Variants in GARNL3 observed in about 807,000 individuals in gnomAD.
The protein encoded by GARNL3 is GTPase-activating Rap/Ran-GAP domain-like protein 3.
Under a neutral mutation model 125.0 loss-of-function variants are expected in GARNL3, and 63 were observed. The ratio of observed to expected loss-of-function variants is 0.50; its 90% CI spans 0.41 to 0.62. GARNL3 has a LOEUF of 0.62. Ranked by LOEUF, GARNL3 falls within the 20% of genes least tolerant of loss-of-function variation. The pLI, the probability that GARNL3 is intolerant of heterozygous loss-of-function variation, is 0.00. For synonymous variants in GARNL3, 439 were observed against 457.5 expected, an observed-to-expected ratio of 0.96 and a Z score of 0.52; for missense variants, 994 against 1,244.0, an observed-to-expected ratio of 0.80 and a Z score of 3.02.
chr9:127,299,329 AG>A (rs878928156), intron 2 of GARNL3, among the ~76,000 whole-genome samples: 1 of 7,824 alleles, frequency 1.3e-4, no homozygotes. Context: ...AAAAAAAAAA[AG>A]AAAGAGAAAA....
At position 127,291,256 on chromosome 9, in the gene GARNL3, C is replaced by G. The variant is rs771333433; in HGVS notation, c.219+14C>G. ...TCTTCAGATGAGGTAAGGAAGCCTC[C>G]CCACTTCCTGTAATGCCACCAAGCA... On this transcript the variant is annotated intron_variant, in intron 2 of 27. Transcript: ENST00000373387. The G allele has an allele frequency of 3.1e-6, 5 of 1,609,420 alleles. 1 individual carries two copies. In the South Asian group the frequency reaches 5.5e-5, roughly 18 times the overall value.
At chr9:127,241,139 C>T (rs1466005775) in intron 1 of GARNL3, among the ~76,000 whole-genome samples, 3 of 151,946 alleles carry the variant, frequency 2.0e-5, no homozygotes, top group Non-Finnish European at 4.4e-5. Context: ...GAAGCTGTTC[C>T]TCCGCAGGGC....
At chr9:127,379,528 G>T (rs1028072624) in intron 22 of GARNL3, among the ~76,000 whole-genome samples, 2 of 152,184 alleles carry the variant, frequency 1.3e-5, no homozygotes, top group African/African-American at 4.8e-5. Flanking sequence ...GAAGAAGTTG[G>T]CAGGATGTGA....
chr9:127,233,814 T>C (rs1014704679), intron 1 of GARNL3, among the ~76,000 whole-genome samples: 5 of 152,212 alleles, frequency 3.3e-5, no homozygotes, highest in Non-Finnish European at 7.4e-5. Context: ...CCAAGATAAG[T>C]TCAGAAAAGA....
At chr9:127,314,146 C>G (rs534453851) in intron 4 of GARNL3, among the ~76,000 whole-genome samples, 3 of 152,336 alleles carry the variant, frequency 2.0e-5, no homozygotes, top group South Asian at 4.1e-4. Flanking sequence ...TTGTCCTGAT[C>G]CCAGGTCTCC....
At chr9:127,293,914 A>G (rs868356471) in intron 2 of GARNL3, among the ~76,000 whole-genome samples, 25 of 152,276 alleles carry the variant, frequency 1.6e-4, no homozygotes, top group African/African-American at 6.0e-4. Context: ...GATTACAACT[A>G]CAGATTTATG....
At chr9:127,263,831 C>A, upstream of GARNL3, 1 of 1,290,276 alleles carries the variant, frequency 7.8e-7, no homozygotes, top group South Asian at 2.7e-5. Flanking sequence ...TGCCATTAGA[C>A]TCTCTAATCT....
intron 22 of GARNL3, among the ~76,000 whole-genome samples, chr9:127,379,775 A>G (rs1333195891): frequency 1.3e-5 from 2 of 152,248 alleles, no homozygotes; most frequent in Non-Finnish European, 2.9e-5. Context: ...AAAATATACA[A>G]TATAGTGAAG....
intron 1 of GARNL3, among the ~76,000 whole-genome samples, chr9:127,273,837 G>A (rs2063884670): frequency 6.6e-6 from 1 of 152,204 alleles, no homozygotes; most frequent in Admixed American, 6.5e-5. Context: ...TGGGAATCCT[G>A]TAAATGAAAG....
intron 2 of GARNL3, among the ~76,000 whole-genome samples, chr9:127,307,606 T>A (rs1291147433): frequency 6.6e-6 from 1 of 152,220 alleles, no homozygotes; most frequent in Non-Finnish European, 1.5e-5. Context: ...AAATACATAT[T>A]TATTAATAGT....
intron 9 of GARNL3, among the ~76,000 whole-genome samples, chr9:127,334,501 A>C (rs1438618658): frequency 6.6e-6 from 1 of 152,118 alleles, no homozygotes; most frequent in Admixed American, 6.5e-5. Context: ...ATTGGGCCCC[A>C]GTTGTCAGGT....
At chr9:127,333,826 G>A (rs748051966) in intron 9 of GARNL3, among the ~76,000 whole-genome samples, 3 of 152,178 alleles carry the variant, frequency 2.0e-5, no homozygotes, top group Non-Finnish European at 2.9e-5. Context: ...GAGTTTTGAG[G>A]TTATATTAAT....
chr9:127,323,838 A>T (rs1312972928), intron 6 of GARNL3, among the ~76,000 whole-genome samples: 1 of 152,248 alleles, frequency 6.6e-6, no homozygotes, highest in Non-Finnish European at 1.5e-5. Flanking sequence ...CAAGGTGTTG[A>T]GGAAGATCAA....
chr9:127,300,029 G>A (rs1483246519), intron 2 of GARNL3: 5 of 260,768 alleles, frequency 1.9e-5, no homozygotes, highest in Non-Finnish European at 3.9e-5. Context: ...TTAAAGGCCT[G>A]TCTCCCTTTG....
chr9:127,269,686 CA>C (rs1319545316), intron 1 of GARNL3, among the ~76,000 whole-genome samples: 3 of 151,910 alleles, frequency 2.0e-5, no homozygotes, highest in African/African-American at 4.8e-5. Context: ...AGCATCTTTT[CA>C]TGTGCTTATT....
Position 127,387,260 on chromosome 9 carries a change from C to T in GARNL3, c.2456C>T (p.Ala819Val). Residue 819 changes from alanine to valine, a missense_variant, in exon 25 of 28, where the codon GCC becomes GTC. Transcript: ENST00000373387. The part of the protein sequence containing the change: ...EVSSGGSSKG[A>V]SARNSPQTPP... The stretch of plus-strand genomic sequence containing the variant: ...TCATCTGGAGGCAGCTCCAAGGGGG[C>T]CAGTGCCCGAAATTCTCCTCAGACA... 6.2e-7 allele frequency: 1 copy of T among 1,613,950 alleles called. No individual in the cohort carries two copies. The highest frequency in any genetic ancestry group is 8.5e-7 in the Non-Finnish European group (1 of 1,179,844).
At chr9:127,288,420 C>A (rs2064314644) in intron 1 of GARNL3, among the ~76,000 whole-genome samples, 1 of 152,188 alleles carries the variant, frequency 6.6e-6, no homozygotes, top group South Asian at 2.1e-4. Flanking sequence ...TTTGCATAAT[C>A]ACCCAGGCTG....
chr9:127,334,067 G>A (rs878914601), intron 9 of GARNL3, among the ~76,000 whole-genome samples: 2 of 152,134 alleles, frequency 1.3e-5, no homozygotes, highest in Admixed American at 1.3e-4. Flanking sequence ...AGTGGAGGTT[G>A]AAAGAGGAGA....
At chr9:127,287,828 C>T (rs1485823207) in intron 1 of GARNL3, among the ~76,000 whole-genome samples, 1 of 152,250 alleles carries the variant, frequency 6.6e-6, no homozygotes, top group Non-Finnish European at 1.5e-5. Context: ...CTGCCCTTCA[C>T]TTTGGCCTTT....
Sources: allele counts gnomAD v4.1 joint callset (sites outside exome capture counted in the v4.1 genomes callset), GRCh38; gene constraint gnomAD v4.1.1; transcripts MANE v1.5; gene names NCBI Gene and HGNC (gene_info 2026-07-23, HGNC 2026-07-21).